CLUAP1: variants seen among roughly 807,000 people sequenced by gnomAD.
CLUAP1 encodes the protein intraflagellar transport 38, also known as clusterin-associated protein 1.
In CLUAP1, 50 loss-of-function variants were observed where a neutral mutation model predicts 55.0. The observed-to-expected ratio is 0.91, with a 90% CI of 0.72 to 1.15. The LOEUF (loss-of-function observed/expected upper bound fraction) is 1.15. Ranked by LOEUF, CLUAP1 falls within the 50% of genes most tolerant of loss-of-function variation. The probability of loss-of-function intolerance (pLI) is 0.00; values close to 1 mark genes in which losing one functional copy is unlikely to be tolerated. For synonymous variants in CLUAP1, 195 were observed against 175.4 expected, an observed-to-expected ratio of 1.11 and a Z score of -0.88; for missense variants, 530 against 507.6, an observed-to-expected ratio of 1.04 and a Z score of -0.42.
intron 4 of CLUAP1, among the ~76,000 whole-genome samples, chr16:3,511,790 G>A (rs2037630785): frequency 6.6e-6 from 1 of 152,168 alleles, no homozygotes; most frequent in Non-Finnish European, 1.5e-5. Flanking sequence ...CGTGTGTCCC[G>A]CAGCCTGTGA....
chr16:3,512,414 C>T lies in CLUAP1; in HGVS notation c.431C>T (p.Ala144Val). 1 of 1,613,924 alleles carries T rather than the reference C, an allele frequency of 6.2e-7. No individual in the cohort carries two copies. The highest frequency in any genetic ancestry group is 8.5e-7 in the Non-Finnish European group (1 of 1,179,854). Residue 144 changes from alanine (A) to valine (V), a missense_variant, in exon 5 of 12, where the codon GCG becomes GTG. By Grantham distance (64) the Ala-to-Val change is moderately conservative. Coordinates refer to ENST00000576634, the MANE Select transcript of CLUAP1 (RefSeq NM_015041.3). ...IADLKAARQL[A>V]SEITSKGASL... is the part of the protein sequence containing the mutation. Reference sequence around the variant, plus strand: ...GATTTGAAGGCAGCCAGGCAGCTTGCGTCTGAAATCACCTCCAAAGGAGCA... The same window carrying T: ...GATTTGAAGGCAGCCAGGCAGCTTGTGTCTGAAATCACCTCCAAAGGAGCA...
At position 3,526,389 on chromosome 16, in the gene CLUAP1, A is replaced by C. The variant is rs749219301; in HGVS notation, c.856-23A>C. On this transcript the variant is annotated intron_variant, in intron 8 of 11. Coordinates refer to ENST00000576634, the MANE Select transcript of CLUAP1 (RefSeq NM_015041.3). ...GTCCAGAAAAGGGCCATCTCTCCTG[A>C]GTCTGTATTTCCTCTTCCACAGGAA... 8 of 1,560,796 alleles carry C rather than the reference A, an allele frequency of 5.1e-6. No individual in the cohort carries two copies. The South Asian group carries it at 9.4e-5, about 18-fold the overall frequency.
intron 8 of CLUAP1, among the ~76,000 whole-genome samples, chr16:3,524,089 A>G (rs970599967): frequency 9.9e-5 from 15 of 151,622 alleles, no homozygotes; most frequent in Admixed American, 2.0e-4. Context: ...ACTGGAGCCC[A>G]GGAGTCTGAG....
At chr16:3,529,274 AT>A (rs1205570281) in intron 9 of CLUAP1, among the ~76,000 whole-genome samples, 1 of 148,642 alleles carries the variant, frequency 6.7e-6, no homozygotes, top group African/African-American at 2.5e-5. Context: ...AACTTTGTAG[AT>A]CTTTTTTGAA....
At chr16:3,523,425 C>G in intron 8 of CLUAP1, 126 bp downstream of exon 8, 1 of 1,116,722 alleles carries the variant, frequency 9.0e-7, no homozygotes. Flanking sequence ...CCTGGTCAGT[C>G]TGAGGATTGC....
intron 4 of CLUAP1, among the ~76,000 whole-genome samples, chr16:3,510,323 A>G (rs1352718402): frequency 1.4e-5 from 2 of 142,392 alleles, no homozygotes; most frequent in Non-Finnish European, 3.1e-5. Flanking sequence ...TTTAGCAGAG[A>G]TGGGGTTTCA....
At chr16:3,522,728 ACT>A (rs1388222617) in intron 7 of CLUAP1, among the ~76,000 whole-genome samples, 1 of 152,118 alleles carries the variant, frequency 6.6e-6, no homozygotes, top group Non-Finnish European at 1.5e-5. Context: ...ATCATTTTTA[ACT>A]CTATTGAGAT....
chr16:3,517,396 T>C (rs1286269662), intron 6 of CLUAP1, among the ~76,000 whole-genome samples: 1 of 152,170 alleles, frequency 6.6e-6, no homozygotes, highest in African/African-American at 2.4e-5. Context: ...AATCTCTGCC[T>C]CCTGGGTTCG....
intron 10 of CLUAP1, among the ~76,000 whole-genome samples, chr16:3,532,327 A>G (rs1157115782): frequency 1.3e-5 from 2 of 151,112 alleles, no homozygotes; most frequent in African/African-American, 4.9e-5. Context: ...TTTTATTTTA[A>G]TACTATAAAA....
At chr16:3,528,585 C>G (rs538336340) in intron 9 of CLUAP1, among the ~76,000 whole-genome samples, 1 of 152,152 alleles carries the variant, frequency 6.6e-6, no homozygotes, top group African/African-American at 2.4e-5. Flanking sequence ...AGAGGCCCAG[C>G]TCAGCTAGGA....
intron 9 of CLUAP1, 116 bp downstream of exon 9, chr16:3,526,600 C>A: frequency 2.1e-5 from 10 of 469,238 alleles, no homozygotes; most frequent in East Asian, 5.6e-5. Flanking sequence ...TTTTTTTCAG[C>A]AGTTTTTTTT....
At chr16:3,532,268 T>G (rs563164084) in intron 10 of CLUAP1, among the ~76,000 whole-genome samples, 1 of 152,348 alleles carries the variant, frequency 6.6e-6, no homozygotes, top group South Asian at 2.1e-4. Flanking sequence ...TGCATATCTT[T>G]AGGTTGCATC....
chr16:3,509,502 G>C (rs2037578154), intron 4 of CLUAP1, among the ~76,000 whole-genome samples: 1 of 152,234 alleles, frequency 6.6e-6, no homozygotes, highest in Middle Eastern at 3.2e-3. Context: ...CCTGTTTGGA[G>C]AGTGAGGGGT....
intron 7 of CLUAP1, among the ~76,000 whole-genome samples, chr16:3,520,561 G>A (rs2037814873): frequency 6.6e-6 from 1 of 152,110 alleles, no homozygotes; most frequent in African/African-American, 2.4e-5. Context: ...CTTGCGGTAT[G>A]TCTGGAAAAC....
At chr16:3,513,641 G>A (rs1192200256) in intron 5 of CLUAP1, among the ~76,000 whole-genome samples, 1 of 151,970 alleles carries the variant, frequency 6.6e-6, no homozygotes, top group Admixed American at 6.6e-5. Flanking sequence ...GTAGAGATGG[G>A]GTTTCATCAT....
At chr16:3,529,791 ATATTATATTATT>A in intron 9 of CLUAP1, among the ~76,000 whole-genome samples, 1 of 61,138 alleles carries the variant, frequency 1.6e-5, no homozygotes, top group African/African-American at 7.2e-5. Flanking sequence ...TATATAATAT[ATATTATATTATT>A]ATATATATAT....
chr16:3,533,235 G>C, intron 11 of CLUAP1: 1 of 1,124,642 alleles, frequency 8.9e-7, no homozygotes, highest in Non-Finnish European at 1.3e-6. Context: ...CTCCCTAGGA[G>C]TGATGCTTCC....
chr16:3,532,641 C>G (rs1057015513), intron 10 of CLUAP1, 145 bp from the exon 11 acceptor site: 27 of 766,374 alleles, frequency 3.5e-5, no homozygotes, highest in Non-Finnish European at 4.5e-5. Context: ...TGGCCTCAAA[C>G]TCCTGGCCTC....
upstream of CLUAP1, among the ~76,000 whole-genome samples, chr16:3,500,502 T>A (rs892115899): frequency 1.3e-5 from 2 of 151,808 alleles, no homozygotes; most frequent in Non-Finnish European, 2.9e-5. Context: ...CCCGAGTAGC[T>A]GGGATTACAG....
Sources: gnomAD v4.1 joint callset for allele counts (sites outside exome capture counted in the v4.1 genomes callset) on GRCh38, gnomAD v4.1.1 for gene constraint, MANE v1.5 for transcripts, NCBI Gene and HGNC (gene_info 2026-07-23, HGNC 2026-07-21) for gene names.